The following LINGO2 variants were observed in gnomAD, a reference collection of about 807,000 sequenced individuals.
The protein encoded by LINGO2 is leucine rich repeat and Ig domain containing 2.
Under a neutral mutation model 30.6 loss-of-function variants are expected in LINGO2, and 14 were observed. The ratio of observed to expected loss-of-function variants is 0.46; its 90% CI spans 0.30 to 0.72. The LOEUF (loss-of-function observed/expected upper bound fraction) is 0.72. Among genes scored for constraint, LINGO2 ranks in the 30% least tolerant of loss-of-function variants. LINGO2 has a pLI of 0.07. For synonymous variants in LINGO2, 317 were observed against 288.5 expected (o/e 1.10, Z -1.00); for missense variants, 729 against 751.7 (o/e 0.97, Z 0.35).
At chr9:29,125,782 G>A in the LINGO2 span, among the ~76,000 whole-genome samples, 1 of 152,078 alleles carries the variant, frequency 6.6e-6, no homozygotes, top group Non-Finnish European at 1.5e-5. Flanking sequence ...GACATGTAAT[G>A]CGTACATGCT....
At chr9:28,108,850 G>A (rs1425106668) in intron 4 of LINGO2, among the ~76,000 whole-genome samples, 2 of 152,022 alleles carry the variant, frequency 1.3e-5, no homozygotes, top group Non-Finnish European at 2.9e-5. Flanking sequence ...GTCTCAGAAA[G>A]GTATAACAAT....
intron 2 of LINGO2, among the ~76,000 whole-genome samples, chr9:28,418,058 AT>A (rs771205355): frequency 6.6e-6 from 1 of 152,194 alleles, no homozygotes. Flanking sequence ...GAGAGGTTCC[AT>A]TTTTTCCCCC....
At chr9:28,392,257 G>C (rs1199138808) in intron 2 of LINGO2, among the ~76,000 whole-genome samples, 1 of 152,138 alleles carries the variant, frequency 6.6e-6, no homozygotes, top group Non-Finnish European at 1.5e-5. Flanking sequence ...AGTCAGTGAA[G>C]ATATTTTGCC....
the LINGO2 span, among the ~76,000 whole-genome samples, chr9:28,881,890 C>G: frequency 6.6e-6 from 1 of 152,222 alleles, no homozygotes; most frequent in Admixed American, 6.5e-5. Flanking sequence ...CGCTTATAAG[C>G]GAGAACATGC....
chr9:29,091,816 A>G, the LINGO2 span, among the ~76,000 whole-genome samples: 2 of 152,180 alleles, frequency 1.3e-5, no homozygotes, highest in African/African-American at 4.8e-5. Context: ...TAAGGTCTAC[A>G]AAGTTGTATT....
chr9:28,870,284 A>G, the LINGO2 span, among the ~76,000 whole-genome samples: 2 of 151,944 alleles, frequency 1.3e-5, no homozygotes, highest in Admixed American at 1.3e-4. Flanking sequence ...ATTTTTTTCC[A>G]TTCCACCCCA....
chr9:28,550,443 T>G lies in LINGO2; in HGVS notation c.-364-74418A>C, dbSNP rs536718071. Reference sequence around the variant, plus strand: ...TTCAATGACTGTATTTTTATTTCTATTAGTTCTATATAATTATTTCCAAGC... The same window carrying G: ...TTCAATGACTGTATTTTTATTTCTAGTAGTTCTATATAATTATTTCCAAGC... On this transcript the variant is annotated intron_variant, in intron 1 of 5. Transcript: ENST00000379992. Among the ~76,000 whole-genome samples, 3 of 152,018 alleles carry G rather than the reference T, an allele frequency of 2.0e-5. No individual in the cohort carries two copies. In the South Asian group the frequency reaches 6.2e-4, roughly 31 times the overall value.
At chr9:28,007,065 T>C (rs1822303541) in intron 5 of LINGO2, among the ~76,000 whole-genome samples, 1 of 152,180 alleles carries the variant, frequency 6.6e-6, no homozygotes, top group Non-Finnish European at 1.5e-5. Context: ...GTTAGTTTGC[T>C]TTTAAGCTGT....
chr9:29,185,937 A>C, the LINGO2 span, among the ~76,000 whole-genome samples: 1 of 152,208 alleles, frequency 6.6e-6, no homozygotes, highest in Non-Finnish European at 1.5e-5. Flanking sequence ...ACACCAAATG[A>C]CCAAGTTCCT....
At chr9:28,361,301 C>T (rs1380383911) in intron 3 of LINGO2, among the ~76,000 whole-genome samples, 1 of 151,992 alleles carries the variant, frequency 6.6e-6, no homozygotes, top group East Asian at 1.9e-4. Flanking sequence ...TCTTACTTGC[C>T]TAATTTATGA....
At chr9:28,557,449 A>G (rs2135533825) in intron 1 of LINGO2, among the ~76,000 whole-genome samples, 1 of 152,264 alleles carries the variant, frequency 6.6e-6, no homozygotes, top group East Asian at 1.9e-4. Flanking sequence ...ACAATGAGAT[A>G]CCATCTCACA....
At chr9:28,091,250 T>C (rs2133264596) in intron 4 of LINGO2, among the ~76,000 whole-genome samples, 1 of 152,318 alleles carries the variant, frequency 6.6e-6, no homozygotes. Flanking sequence ...AGAGCCTGCA[T>C]TGCCAAGTCA....
At chr9:29,158,911 C>T in the LINGO2 span, among the ~76,000 whole-genome samples, 1 of 152,140 alleles carries the variant, frequency 6.6e-6, no homozygotes, top group Non-Finnish European at 1.5e-5. Context: ...TTCTTTTGAG[C>T]CCTGCAGTTA....
chr9:28,695,342 T>C, the LINGO2 span, among the ~76,000 whole-genome samples: 1 of 151,934 alleles, frequency 6.6e-6, no homozygotes, highest in African/African-American at 2.4e-5. Flanking sequence ...AATGATAATA[T>C]CCAGTTTGGT....
exon 6 of LINGO2, chr9:27,948,829 C>T (rs1211937557): frequency 3.8e-6 from 6 of 1,585,042 alleles, no homozygotes; most frequent in Non-Finnish European, 5.1e-6. Context: ...GACAAAGAGA[C>T]AGTAATGTGA....
At chr9:28,105,211 G>A (rs1456919193) in intron 4 of LINGO2, among the ~76,000 whole-genome samples, 1 of 152,120 alleles carries the variant, frequency 6.6e-6, no homozygotes, top group Non-Finnish European at 1.5e-5. Context: ...AAACACCAGG[G>A]GGTGGTTTTT....
chr9:28,308,417 T>C (rs1167460608), intron 3 of LINGO2, among the ~76,000 whole-genome samples: 13 of 137,332 alleles, frequency 9.5e-5, no homozygotes, highest in Admixed American at 3.7e-4. Flanking sequence ...TTACACCTTA[T>C]ACAAAAATTA....
chr9:28,215,123 T>C (rs1820719516), intron 4 of LINGO2, among the ~76,000 whole-genome samples: 1 of 151,750 alleles, frequency 6.6e-6, no homozygotes, highest in Non-Finnish European at 1.5e-5. Context: ...TGCTTCTCTA[T>C]TATCAGGGCC....
chr9:28,432,813 A>T (rs1278541700), intron 2 of LINGO2, among the ~76,000 whole-genome samples: 3 of 152,166 alleles, frequency 2.0e-5, no homozygotes, highest in African/African-American at 7.2e-5. Flanking sequence ...ATAATAAAAC[A>T]TTGCAGATAA....
Sources: gnomAD v4.1 joint callset for allele counts (sites outside exome capture counted in the v4.1 genomes callset) on GRCh38, gnomAD v4.1.1 for gene constraint, MANE v1.5 for transcripts, NCBI Gene and HGNC (gene_info 2026-07-23, HGNC 2026-07-21) for gene names.